MTA3: variants seen among roughly 807,000 people sequenced by gnomAD.
MTA3 encodes metastasis associated 1 family member 3, also known as metastasis-associated protein MTA3.
MTA3 carries 34 observed loss-of-function variants against 83.5 expected under a neutral mutation model. The ratio of observed to expected loss-of-function variants is 0.41; its 90% confidence interval spans 0.31 to 0.54. MTA3 has a LOEUF of 0.54. Ranked by LOEUF, MTA3 falls within the 20% of genes least tolerant of loss-of-function variation. The pLI is 0.33. For synonymous variants in MTA3, 303 were observed against 252.7 expected (o/e 1.20, Z -1.89); for missense variants, 761 against 726.4 (o/e 1.05, Z -0.55).
At chr2:42,681,658 A>G (rs903517938) in intron 8 of MTA3, among the ~76,000 whole-genome samples, 1 of 152,068 alleles carries the variant, frequency 6.6e-6, no homozygotes, top group African/African-American at 2.4e-5. Context: ...GACTGTAGGC[A>G]TGCACAACCA....
At chr2:42,594,726 A>ATTTTTTTTTTTTT (rs1303482913) in intron 3 of MTA3, among the ~76,000 whole-genome samples, 1 of 29,366 alleles carries the variant, frequency 3.4e-5, no homozygotes, top group African/African-American at 2.6e-4. Flanking sequence ...ATATATATAT[A>ATTTTTTTTTTTTT]TATTTTTTTT....
At position 42,645,526 on chromosome 2, in the gene MTA3, AAAACAAAC is replaced by A. The variant is rs141409989; in HGVS notation, c.499+1310_499+1317del. Among the ~76,000 whole-genome samples the A allele has an allele frequency of 8.0e-3, 1,198 of 150,392 alleles. 8 individuals carry two copies. Among genetic ancestry groups the A allele is most frequent in the African/African-American group, 0.022 (889 of 40,938 alleles). On this transcript the variant is annotated intron_variant, in intron 6 of 16. Coordinates refer to ENST00000405094, the MANE Select transcript of MTA3 (RefSeq NM_001330442.2). ...GGCAACAGAGTGAGACTTTGTCTAA[AAAACAAAC>A]AAACAAACAAACAAACAAACAAACA... is the stretch of plus-strand genomic sequence containing the variant.
intron 2 of MTA3, among the ~76,000 whole-genome samples, chr2:42,555,726 C>T (rs1283205357): frequency 1.3e-5 from 2 of 151,586 alleles, no homozygotes; most frequent in African/African-American, 4.9e-5. Flanking sequence ...CAACAGGGTG[C>T]TACTGCATTC....
Position 42,568,734 on chromosome 2 carries a change from G to C in MTA3, c.-12G>C, listed in dbSNP as rs1315998000. The C allele has an allele frequency of 8.2e-7, 1 of 1,215,908 alleles. No homozygotes were observed. The highest frequency in any genetic ancestry group is 1.0e-6 in the Non-Finnish European group (1 of 978,636). The allele number at this position is 1,215,908 out of a possible 1,614,324, so 75.3% of individuals were successfully genotyped here. A position where few individuals can be genotyped will look rare whatever the true frequency, so the allele number is the denominator to read the frequency against. On this transcript the variant is annotated 5_prime_UTR_variant, in exon 1 of 17. Coordinates refer to ENST00000405094, the MANE Select transcript of MTA3 (RefSeq NM_001330442.2). ...GGGGCTCGGCTCGGGCTCCGCGGGC[G>C]GGCGGGCGGACATGGCGGCCAACAT...
At chr2:42,700,456 TATC>T (rs1157515431) in intron 11 of MTA3, among the ~76,000 whole-genome samples, 1 of 152,240 alleles carries the variant, frequency 6.6e-6, no homozygotes, top group Non-Finnish European at 1.5e-5. Context: ...TTGTGATTAT[TATC>T]ATTAAGACAA....
In MTA3 at chr2:42,756,684, T is replaced by A. The variant is rs1670259534; in HGVS notation, c.*3285T>A. 1.0e-6 allele frequency: 1 copy of A among 985,396 alleles called. No homozygotes were observed. Among genetic ancestry groups the A allele is most frequent in the African/African-American group, 1.7e-5 (1 of 57,282 alleles). 61.0% of individuals were successfully genotyped at this position (985,396 alleles called of 1,614,324 possible). A position where few individuals can be genotyped will look rare whatever the true frequency, so the allele number is the denominator to read the frequency against. ...TGTCCCTGTTTTCCTTTGGGGGAATTTACTCAGTTAGCAGCCCCTCCTCAC... is the reference window on the plus strand; with the variant it reads ...TGTCCCTGTTTTCCTTTGGGGGAATATACTCAGTTAGCAGCCCCTCCTCAC... On this transcript the variant is annotated 3_prime_UTR_variant, in exon 17 of 17. Transcript: ENST00000405094.
chr2:42,598,144 C>T (rs1682069159), intron 3 of MTA3, among the ~76,000 whole-genome samples: 1 of 151,986 alleles, frequency 6.6e-6, no homozygotes, highest in African/African-American at 2.4e-5. Context: ...ATGATCTTGG[C>T]TCACTGCAAC....
chr2:42,713,783 A>G (rs539080965), intron 14 of MTA3, among the ~76,000 whole-genome samples: 21 of 152,262 alleles, frequency 1.4e-4, no homozygotes, highest in Non-Finnish European at 2.2e-4. Context: ...CAGCTGCATA[A>G]TCTATTTTGT....
At chr2:42,704,452 T>A in intron 12 of MTA3, 134 bp downstream of exon 12, 1 of 987,776 alleles carries the variant, frequency 1.0e-6, no homozygotes, top group Non-Finnish European at 1.5e-6. Context: ...AATGAGTAGA[T>A]GCCCCTCCTT....
intron 12 of MTA3, among the ~76,000 whole-genome samples, chr2:42,706,089 G>T (rs1342561026): frequency 6.6e-6 from 1 of 152,078 alleles, no homozygotes; most frequent in Non-Finnish European, 1.5e-5. Flanking sequence ...TAATGTTTAA[G>T]ATTTTGAAGG....
intron 9 of MTA3, among the ~76,000 whole-genome samples, chr2:42,692,131 T>C (rs1692954394): frequency 6.6e-6 from 1 of 152,224 alleles, no homozygotes; most frequent in Admixed American, 6.5e-5. Flanking sequence ...TTCTAGATCC[T>C]ATAAGCAGGC....
At chr2:42,555,493 G>T (rs188015471) in intron 2 of MTA3, among the ~76,000 whole-genome samples, 2 of 149,350 alleles carry the variant, frequency 1.3e-5, no homozygotes, top group African/African-American at 4.9e-5. Flanking sequence ...GGGCGCAGTG[G>T]CTCACACCTG....
intron 2 of MTA3, among the ~76,000 whole-genome samples, chr2:42,552,482 G>T (rs1677160401): frequency 6.6e-6 from 1 of 152,254 alleles, no homozygotes; most frequent in Admixed American, 6.6e-5. Flanking sequence ...CCCAGGGGGT[G>T]GTGGCTAAAG....
chr2:42,610,471 C>T (rs947538136), intron 4 of MTA3, among the ~76,000 whole-genome samples: 7 of 152,070 alleles, frequency 4.6e-5, no homozygotes, highest in African/African-American at 1.7e-4. Context: ...TAACATGGAC[C>T]ACCCTTCCAT....
At chr2:42,588,784 T>G (rs544879292) in intron 3 of MTA3, among the ~76,000 whole-genome samples, 2 of 134,196 alleles carry the variant, frequency 1.5e-5, no homozygotes, top group South Asian at 5.5e-4. Flanking sequence ...TATGTATGCA[T>G]GTATACACAT....
chr2:42,617,941 T>TA (rs974824798), intron 4 of MTA3, among the ~76,000 whole-genome samples: 497 of 146,986 alleles, frequency 3.4e-3, no homozygotes, highest in Admixed American at 4.8e-3. Flanking sequence ...ACTCTTTTTT[T>TA]AAAAAAAAAA....
intron 2 of MTA3, among the ~76,000 whole-genome samples, chr2:42,508,930 G>A (rs1187570250): frequency 6.7e-6 from 1 of 149,244 alleles, no homozygotes; most frequent in Non-Finnish European, 1.5e-5. Context: ...GGGGGAAAGG[G>A]GTTATACATC....
At chr2:42,505,304 A>G (rs773602439) in intron 2 of MTA3, among the ~76,000 whole-genome samples, 16 of 152,144 alleles carry the variant, frequency 1.1e-4, no homozygotes, top group Non-Finnish European at 2.1e-4. Flanking sequence ...AAGCAGGAGA[A>G]TCGCTTGAAC....
chr2:42,687,175 A>G (rs1387973769), intron 9 of MTA3, among the ~76,000 whole-genome samples: 1 of 152,122 alleles, frequency 6.6e-6, no homozygotes, highest in African/African-American at 2.4e-5. Context: ...GTACAGTTTC[A>G]TCACCTCTCC....
Sources: allele counts gnomAD v4.1 joint callset (sites outside exome capture counted in the v4.1 genomes callset), GRCh38; gene constraint gnomAD v4.1.1; transcripts MANE v1.5; gene names NCBI Gene and HGNC (gene_info 2026-07-23, HGNC 2026-07-21).